The following ZNF140 variants were observed in gnomAD, a reference collection of about 807,000 sequenced individuals.
The protein encoded by ZNF140 is zinc finger protein 140 (clone pHZ-39).
ZNF140 carries 13 observed loss-of-function variants against 12.9 expected under a neutral mutation model. The ratio of observed to expected loss-of-function variants is 1.01; its 90% CI spans 0.66 to 1.60. ZNF140 has a LOEUF of 1.60. Ranked by LOEUF, ZNF140 falls within the 40% of genes most tolerant of loss-of-function variation. ZNF140 has a pLI of 0.00. For missense variants in ZNF140, 531 were observed against 548.8 expected, an observed-to-expected ratio of 0.97 and a Z score of 0.32; for synonymous variants, 214 against 186.7, an observed-to-expected ratio of 1.15 and a Z score of -1.19.
At chr12:133,081,634 A>G (rs1280828184) in intron 2 of ZNF140, 3 of 450,394 alleles carry the variant, frequency 6.7e-6, no homozygotes, top group Middle Eastern at 3.3e-4. Flanking sequence ...TTAAGTATAC[A>G]TGAAGAGAGT....
At chr12:133,090,745 A>C (rs986039707) in intron 4 of ZNF140, among the ~76,000 whole-genome samples, 6 of 147,052 alleles carry the variant, frequency 4.1e-5, no homozygotes, top group Non-Finnish European at 9.0e-5. Flanking sequence ...AGCAAAAAGG[A>C]ATGTAGTAGG....
intron 2 of ZNF140, 42 bp downstream of exon 2, chr12:133,081,371 A>ATATGTATATATATATATATATAT (rs1593734785): frequency 8.0e-6 from 2 of 249,656 alleles, no homozygotes; most frequent in Non-Finnish European, 1.4e-5. Flanking sequence ...ATATATATAT[A>ATATGTATATATATATATATATAT]AATTTTTATT....
At chr12:133,094,843 C>T (rs1435608939) in intron 4 of ZNF140, among the ~76,000 whole-genome samples, 1 of 151,296 alleles carries the variant, frequency 6.6e-6, no homozygotes, top group Non-Finnish European at 1.5e-5. Flanking sequence ...TGGTTCTGGA[C>T]TTTTTCCTTT....
intron 4 of ZNF140, among the ~76,000 whole-genome samples, chr12:133,088,233 T>C (rs1954744099): frequency 6.6e-6 from 1 of 152,194 alleles, no homozygotes; most frequent in Non-Finnish European, 1.5e-5. Context: ...GTTTATAGAA[T>C]AATTTCACTG....
rs1238995209 is a variant in ZNF140 at position 133,083,116 on chromosome 12, T to G, written c.23T>G (p.Phe8Cys). 1 of 1,614,058 alleles carries G rather than the reference T, an allele frequency of 6.2e-7. No individual in the cohort carries two copies. The highest frequency in any genetic ancestry group is 8.5e-7 in the Non-Finnish European group (1 of 1,180,050). ...CCGTCATTTCAGGGGTCAGTGACAT[T>G]CAGAGATGTGGCCATAGACTTCTCC... is the stretch of plus-strand genomic sequence containing the variant. MSQGSVTFRDVAIDFSQE... is the reference protein window; with the variant it reads MSQGSVTCRDVAIDFSQE... The change falls in exon 3 of 5, where the codon TTC (phenylalanine) becomes TGC (cysteine). Residue 8 changes from phenylalanine to cysteine, a missense_variant. By Grantham distance (205) the Phe-to-Cys change is radical (BLOSUM62 -2). Transcript: ENST00000355557.
In ZNF140 at chr12:133,081,329, G is replaced by A; in HGVS notation, c.9G>A (p.Gln3=). Residue 3 remains glutamine (Q), a splice_region_variant and synonymous_variant, in exon 2 of 5, where the codon CAG becomes CAA. Transcript: ENST00000355557. MS[Q]GSVTFRDVAI... ...CTTCCCTTCTGTGAGCTATGTCTCA[G>A]GTAAGCTAATGATTGATAAATATAT... The A allele has an allele frequency of 1.6e-6, 2 of 1,283,080 alleles. No homozygotes were observed. Among genetic ancestry groups the A allele is most frequent in the Non-Finnish European group, 2.2e-6 (2 of 929,664 alleles). The allele number at this position is 1,283,080 out of a possible 1,614,324, so 79.5% of individuals were successfully genotyped here.
intron 4 of ZNF140, among the ~76,000 whole-genome samples, chr12:133,100,160 G>GTTTTTTTTTTTTTT (rs58610589): frequency 1.5e-4 from 9 of 60,982 alleles, no homozygotes; most frequent in African/African-American, 6.3e-4. Flanking sequence ...TGCCTTTTCC[G>GTTTTTTTTTTTTTT]TTTTTTTTTT....
rs140368289 is a variant in ZNF140, at chr12:133,106,243, C to G, written c.966C>G (p.Ile322Met). The G allele has an allele frequency of 1.5e-5, 25 of 1,614,024 alleles. No individual in the cohort carries two copies. The African/African-American group carries it at 1.9e-4, about 12-fold the overall frequency. ...CACACCTTACTCGACATCAGAGCAT[C>G]CATACAACCAAAACCCCGTATGAAT... is the stretch of plus-strand genomic sequence containing the variant. ...RFSHLTRHQS[I>M]HTTKTPYECN... Residue 322 changes from isoleucine (I) to methionine (M), a missense_variant, in exon 5 of 5, where the codon ATC (isoleucine) becomes ATG (methionine). By Grantham distance (10) the Ile-to-Met change is conservative. Transcript: ENST00000355557.
chr12:133,103,473 A>C (rs1310541666), intron 4 of ZNF140, among the ~76,000 whole-genome samples: 1 of 148,464 alleles, frequency 6.7e-6, no homozygotes, highest in East Asian at 2.0e-4. Context: ...TCACTTTGTC[A>C]CTATGTTGTT....
At chr12:133,104,502 C>T (rs1207717342) in intron 4 of ZNF140, among the ~76,000 whole-genome samples, 2 of 151,992 alleles carry the variant, frequency 1.3e-5, no homozygotes, top group Non-Finnish European at 2.9e-5. Flanking sequence ...CAGGTGCATG[C>T]CATCACGCCT....
In ZNF140 at chr12:133,106,485, A is replaced by G. The variant is rs1245907289; in HGVS notation, c.1208A>G (p.His403Arg). The G allele has an allele frequency of 6.2e-7, 1 of 1,614,136 alleles. No homozygotes were observed. Among genetic ancestry groups the G allele is most frequent in the Admixed American group, 1.7e-5 (1 of 60,026 alleles). ...AGCCGGAGCTTTTCCCTCATTCTAC[A>G]TCAGAGAACTCATACTGGAGAGAAA... ...AFSRSFSLIL[H>R]QRTHTGEKPY... is the part of the protein sequence containing the mutation. Residue 403 changes from histidine (H) to arginine (R), a missense_variant, in exon 5 of 5, where the codon CAT (histidine) becomes CGT (arginine). Coordinates refer to ENST00000355557, the MANE Select transcript of ZNF140 (RefSeq NM_003440.4).
chr12:133,084,729 C>G (rs1954619428), intron 4 of ZNF140, among the ~76,000 whole-genome samples: 1 of 152,164 alleles, frequency 6.6e-6, no homozygotes, highest in African/African-American at 2.4e-5. Flanking sequence ...TTTTAGGAGG[C>G]AGCAGCTTAG....
At chr12:133,081,675 T>G (rs1954509402) in intron 2 of ZNF140, 1 of 423,208 alleles carries the variant, frequency 2.4e-6, no homozygotes, top group Non-Finnish European at 4.8e-6. Context: ...TGGGCGGGGT[T>G]TCTGACCTGG....
intron 4 of ZNF140, among the ~76,000 whole-genome samples, chr12:133,104,501 G>GCCCA (rs1955499611): frequency 6.6e-6 from 1 of 151,926 alleles, no homozygotes; most frequent in Non-Finnish European, 1.5e-5. Flanking sequence ...ACAGGTGCAT[G>GCCCA]CCATCACGCC....
chr12:133,104,453 A>G (rs670047), intron 4 of ZNF140, among the ~76,000 whole-genome samples: 94,844 of 151,528 alleles, frequency 0.63, 31,006 homozygotes, highest in African/African-American at 0.8. Flanking sequence ...CCAGGTTCAA[A>G]TGATTCTCCT....
intron 4 of ZNF140, among the ~76,000 whole-genome samples, chr12:133,096,033 AG>A (rs1215801006): frequency 6.6e-5 from 10 of 150,924 alleles, no homozygotes; most frequent in African/African-American, 1.9e-4. Context: ...AATCCACCTC[AG>A]CACAGACCCT....
rs1413508498 is a variant in ZNF140 at position 133,092,931 on chromosome 12, G to T, written c.232+9370G>T. Among the ~76,000 whole-genome samples the T allele has an allele frequency of 4.6e-5, 7 of 151,070 alleles. 1 individual carries two copies. Among genetic ancestry groups the T allele is most frequent in the African/African-American group, 1.2e-4 (5 of 40,736 alleles). The stretch of plus-strand genomic sequence containing the variant: ...TCTTTTGGAATTTCCTTGGGGCATG[G>T]TTTTCCCTTAGGCCTAAATTTTAAT... On this transcript the variant is annotated intron_variant, in intron 4 of 4. Transcript: ENST00000355557.
chr12:133,089,277 A>G (rs1204052930), intron 4 of ZNF140, among the ~76,000 whole-genome samples: 3 of 151,920 alleles, frequency 2.0e-5, no homozygotes, highest in African/African-American at 7.3e-5. Flanking sequence ...CAGTGGTGCA[A>G]TCATGGCTCA....
intron 4 of ZNF140, chr12:133,084,167 T>C (rs1954596648): frequency 4.5e-6 from 2 of 441,296 alleles, no homozygotes; most frequent in Non-Finnish European, 9.0e-6. Flanking sequence ...ATTTCATTTC[T>C]TTTTGTTTTT....
Sources: allele counts gnomAD v4.1 joint callset (sites outside exome capture counted in the v4.1 genomes callset), GRCh38; gene constraint gnomAD v4.1.1; transcripts MANE v1.5; gene names NCBI Gene and HGNC (gene_info 2026-07-23, HGNC 2026-07-21).